TBC1D10C: variants seen among roughly 807,000 people sequenced by gnomAD.
TBC1D10C encodes carabin.
A neutral mutation model predicts 51.0 loss-of-function variants in TBC1D10C; 49 were observed. The ratio of observed to expected loss-of-function variants is 0.96; its 90% CI spans 0.76 to 1.22. The LOEUF is 1.22. TBC1D10C is among the 50% of genes most tolerant of loss of function. The pLI, the probability that TBC1D10C is intolerant of heterozygous loss-of-function variation, is 0.00. For synonymous variants in TBC1D10C, 281 were observed against 266.7 expected, an observed-to-expected ratio of 1.05 and a Z score of -0.52; for missense variants, 541 against 617.5, an observed-to-expected ratio of 0.88 and a Z score of 1.31.
intron 4 of TBC1D10C, 85 bp downstream of exon 4, chr11:67,405,786 C>T (rs929140071): frequency 1.0e-5 from 16 of 1,566,178 alleles, no homozygotes; most frequent in Middle Eastern, 1.7e-4. Flanking sequence ...GCTCTACAGT[C>T]TTGCATCTCA....
rs1237151198 is a variant in TBC1D10C at position 67,409,805 on chromosome 11, C to G, written c.*51C>G. Reference sequence around the variant, plus strand: ...AGTCTCAATTGCCTGATGGCTGATGCCGGCCCGGCAAATAGGCACCGCACT... The same window carrying G: ...AGTCTCAATTGCCTGATGGCTGATGGCGGCCCGGCAAATAGGCACCGCACT... On this transcript the variant is annotated 3_prime_UTR_variant, in exon 9 of 9. Coordinates refer to ENST00000542590, the MANE Select transcript of TBC1D10C (RefSeq NM_001369496.1). The G allele has an allele frequency of 6.8e-7, 1 of 1,461,004 alleles. No individual in the cohort carries two copies. The highest frequency in any genetic ancestry group is 2.3e-5 in the Admixed American group (1 of 44,268). The allele number at this position is 1,461,004 out of a possible 1,614,324, so 90.5% of individuals were successfully genotyped here.
rs1590951920 is a variant in TBC1D10C, at chr11:67,409,831, T to C, written c.*77T>C. The C allele has an allele frequency of 7.7e-7, 1 of 1,303,344 alleles. No individual in the cohort carries two copies. Among genetic ancestry groups the C allele is most frequent in the Non-Finnish European group, 1.0e-6 (1 of 959,954 alleles). 80.7% of individuals were successfully genotyped at this position (1,303,344 alleles called of 1,614,324 possible). ...CGGCCCGGCAAATAGGCACCGCACTTTACTCTTGGGACTCGGGGACTTGGC... is the reference window on the plus strand; with the variant it reads ...CGGCCCGGCAAATAGGCACCGCACTCTACTCTTGGGACTCGGGGACTTGGC... On this transcript the variant is annotated 3_prime_UTR_variant, in exon 9 of 9. Coordinates refer to ENST00000542590, the MANE Select transcript of TBC1D10C (RefSeq NM_001369496.1).
At chr11:67,405,274 C>T in intron 2 of TBC1D10C, 90 bp downstream of exon 2, 1 of 1,496,114 alleles carries the variant, frequency 6.7e-7, no homozygotes, top group Non-Finnish European at 9.1e-7. Context: ...ACCCTGTGTC[C>T]CAGCACCTCC....
rs754853858 is a variant in TBC1D10C at position 67,405,421 on chromosome 11, G to A, written c.275G>A (p.Gly92Asp). 6.2e-7 allele frequency: 1 copy of A among 1,613,482 alleles called. No homozygotes were observed. The highest frequency in any genetic ancestry group is 1.3e-5 in the African/African-American group (1 of 74,932). ...CAGGTAAAGATGCAGTGCCGGAAAG[G>A]CATCCCGTCTGCCCTGCGCGCCCGA... ...YKKVKMQCRK[G>D]IPSALRARCW... Residue 92 changes from glycine (G) to aspartate (D), a missense_variant, in exon 3 of 9, where the codon GGC becomes GAC. Physicochemically the swap from Gly to Asp is moderately conservative, Grantham distance 94. Coordinates refer to ENST00000542590, the MANE Select transcript of TBC1D10C (RefSeq NM_001369496.1).
Position 67,405,511 on chromosome 11 carries a change from G to A in TBC1D10C, c.360+5G>A. 1 of 1,612,920 alleles carries A rather than the reference G, an allele frequency of 6.2e-7. No individual in the cohort carries two copies. On this transcript the variant is annotated splice_donor_5th_base_variant and intron_variant, in intron 3 of 8. Coordinates refer to ENST00000542590, the MANE Select transcript of TBC1D10C (RefSeq NM_001369496.1). Reference sequence around the variant, plus strand: ...AACAGCCCTGGCACCTATCAGGTGAGGGAGTGGGCAGGGGCCCCAATTCCC... The same window carrying A: ...AACAGCCCTGGCACCTATCAGGTGAAGGAGTGGGCAGGGGCCCCAATTCCC...
In TBC1D10C at chr11:67,409,118, G is replaced by A. The variant is rs368755663; in HGVS notation, c.978G>A (p.Glu326=). 3 of 1,597,398 alleles carry A rather than the reference G, an allele frequency of 1.9e-6. No homozygotes were observed. The African/African-American group carries it at 4.0e-5, about 21-fold the overall frequency. ...TCCCCCCCGCGCAGCTGCAGGAGGA[G>A]GCCTTCATGTCACAGGTGGGTACCC... The part of the protein sequence containing the change: ...RAIPPAQLQE[E]AFMSQVHSVV... The change falls in exon 8 of 9, where the codon GAG becomes GAA. Residue 326 remains glutamate (E), a synonymous_variant. Coordinates refer to ENST00000542590, the MANE Select transcript of TBC1D10C (RefSeq NM_001369496.1).
Position 67,408,983 on chromosome 11 carries a change from C to T in TBC1D10C, c.843C>T (p.Ala281=), listed in dbSNP as rs1448616908. The T allele has an allele frequency of 6.5e-6, 10 of 1,549,670 alleles. No homozygotes were observed. Among genetic ancestry groups the T allele is most frequent in the Non-Finnish European group, 8.7e-6 (10 of 1,149,446 alleles). The change falls in exon 8 of 9, where the codon GCC becomes GCT. Residue 281 remains alanine (A), a synonymous_variant. Coordinates refer to ENST00000542590, the MANE Select transcript of TBC1D10C (RefSeq NM_001369496.1). ...GAATAAGCCCCCGGCCTGCAGGTGCCAGAGTACTGTTCCGTGTGGGGCTGA... is the reference window on the plus strand; with the variant it reads ...GAATAAGCCCCCGGCCTGCAGGTGCTAGAGTACTGTTCCGTGTGGGGCTGA... The part of the protein sequence containing the change: ...RVWDAFLSEG[A]RVLFRVGLTL...
chr11:67,407,130 A>T (rs1863207560), intron 7 of TBC1D10C, 114 bp downstream of exon 7: 5 of 1,235,220 alleles, frequency 4.0e-6, no homozygotes, highest in Non-Finnish European at 5.6e-6. Context: ...GGGTGTGCCG[A>T]AGGTGATGGC....
intron 3 of TBC1D10C, 31 bp from the exon 4 acceptor site, chr11:67,405,564 C>T (rs774566603): frequency 2.5e-6 from 4 of 1,613,784 alleles, no homozygotes; most frequent in East Asian, 2.2e-5. Context: ...CCACACTGAA[C>T]CCTCACACCC....
chr11:67,404,256 C>A lies in TBC1D10C; in HGVS notation c.54C>A (p.Asp18Glu). The change falls in exon 1 of 9, where the codon GAC becomes GAA. Residue 18 changes from aspartate to glutamate, a missense_variant. By Grantham distance (45) the Asp-to-Glu change is conservative. Coordinates refer to ENST00000542590, the MANE Select transcript of TBC1D10C (RefSeq NM_001369496.1). ...DLVQPPELQD[D>E]SSSLGSDSEL... ...TGCAGCCTCCCGAGCTGCAGGATGA[C>A]TCCAGCTCCTTGGGGTCCGACTCAG... 6.2e-7 allele frequency: 1 copy of A among 1,602,368 alleles called. No homozygotes were observed. Among genetic ancestry groups the A allele is most frequent in the Non-Finnish European group, 8.5e-7 (1 of 1,172,228 alleles).
chr11:67,406,558 T>G, intron 5 of TBC1D10C, 69 bp from the exon 6 acceptor site: 2 of 1,398,684 alleles, frequency 1.4e-6, no homozygotes, highest in Non-Finnish European at 2.0e-6. Context: ...CTTTCCCCTG[T>G]CCTGCCTTCT....
chr11:67,404,971 C>G, intron 1 of TBC1D10C, 114 bp from the exon 2 acceptor site: 2 of 954,716 alleles, frequency 2.1e-6, no homozygotes, highest in Non-Finnish European at 3.1e-6. Context: ...CCACAGGGCT[C>G]CCAGAGATCC....
intron 3 of TBC1D10C, 21 bp from the exon 4 acceptor site, chr11:67,405,574 C>T (rs760217142): frequency 5.6e-6 from 9 of 1,613,900 alleles, no homozygotes; most frequent in Non-Finnish European, 7.6e-6. Flanking sequence ...CCCTCACACC[C>T]ACCTTCCTGG....
Position 67,405,394 on chromosome 11 carries a change from C to A in TBC1D10C, c.253-5C>A. The A allele has an allele frequency of 6.2e-7, 1 of 1,613,018 alleles. No individual in the cohort carries two copies. Among genetic ancestry groups the A allele is most frequent in the Non-Finnish European group, 8.5e-7 (1 of 1,179,770 alleles). ...GCCTAGTGGAGCCCTTGGCCTCACC[C>A]ACAGGTAAAGATGCAGTGCCGGAAA... On this transcript the variant is annotated splice_region_variant and splice_polypyrimidine_tract_variant and intron_variant, in intron 2 of 8. Transcript: ENST00000542590.
intron 7 of TBC1D10C, chr11:67,408,707 C>A: frequency 2.4e-6 from 1 of 414,016 alleles, no homozygotes; most frequent in Admixed American, 4.6e-5. Flanking sequence ...TGATCAAGAC[C>A]TTCATTTTGG....
At chr11:67,407,039 G>A (rs773703354) in intron 7 of TBC1D10C, 23 bp downstream of exon 7, 10 of 1,600,810 alleles carry the variant, frequency 6.2e-6, no homozygotes, top group Non-Finnish European at 8.5e-6. Flanking sequence ...GCCAGTGGCT[G>A]GGGCAGGAGC....
chr11:67,405,631 G>A lies in TBC1D10C; in HGVS notation c.397G>A (p.Glu133Lys). The change falls in exon 4 of 9, where the codon GAG (glutamate) becomes AAG (lysine). Residue 133 changes from glutamate (E) to lysine (K), a missense_variant. Physicochemically the swap from Glu to Lys is moderately conservative, Grantham distance 56. Transcript: ENST00000542590. ...AEAPGDPQWM[E>K]TIGRDLHRQF... is the part of the protein sequence containing the mutation. ...GGCCCCTGGAGACCCACAGTGGATG[G>A]AGACCATTGGCAGGGACCTGCACCG... is the stretch of plus-strand genomic sequence containing the variant. The A allele has an allele frequency of 1.2e-6, 2 of 1,613,944 alleles. No homozygotes were observed. The highest frequency in any genetic ancestry group is 1.7e-6 in the Non-Finnish European group (2 of 1,180,008).
At position 67,409,896 on chromosome 11, in the gene TBC1D10C, G is replaced by A. The variant is rs1863382587; in HGVS notation, c.*142G>A. 1.4e-6 allele frequency: 1 copy of A among 712,640 alleles called. No homozygotes were observed. Among genetic ancestry groups the A allele is most frequent in the African/African-American group, 1.8e-5 (1 of 55,544 alleles). 44.1% of individuals were successfully genotyped at this position (712,640 alleles called of 1,614,324 possible). ...GGACCAGGCAGTGGGGAAGGAGGAG[G>A]TCCTCCGTGGTACATACTGGGTCAG... On this transcript the variant is annotated 3_prime_UTR_variant, in exon 9 of 9. Transcript: ENST00000542590.
rs776184073 is a variant in TBC1D10C at position 67,409,616 on chromosome 11, GCCCAGACCACCGCGGCGGAAAC to G, written c.1212_1233del (p.Pro405AlafsTer9). ...GGATTGTGGTGCAGCCCCCGGAGGA[GCCCAGACCACCGCGGCGGAAAC>G]CCCAGACCCGCGGCAAGACTTTCCA... On this transcript the variant is annotated frameshift_variant, in exon 9 of 9. Transcript: ENST00000542590. LOFTEE classifies it high-confidence loss of function. 141 of 1,561,006 alleles carry G rather than the reference GCCCAGACCACCGCGGCGGAAAC, an allele frequency of 9.0e-5. No individual in the cohort carries two copies. Among genetic ancestry groups the G allele is most frequent in the Non-Finnish European group, 1.2e-4 (137 of 1,153,738 alleles).
Sources: gnomAD v4.1 joint callset for allele counts on GRCh38, gnomAD v4.1.1 for gene constraint, MANE v1.5 for transcripts, NCBI Gene and HGNC (gene_info 2026-07-23, HGNC 2026-07-21) for gene names.